KRT3: variants seen among roughly 807,000 people sequenced by gnomAD.
The protein encoded by KRT3 is keratin 3, also known as keratin, type II cytoskeletal 3.
Under a neutral mutation model 45.8 loss-of-function variants are expected in KRT3, and 34 were observed. The ratio of observed to expected loss-of-function variants is 0.74; its 90% confidence interval spans 0.57 to 0.99. The LOEUF is 0.99. Among genes scored for constraint, KRT3 ranks in the 50% least tolerant of loss-of-function variants. The pLI, the probability that KRT3 is intolerant of heterozygous loss-of-function variation, is 0.00. For missense variants in KRT3, 828 were observed against 820.6 expected, an observed-to-expected ratio of 1.01 and a Z score of -0.11; for synonymous variants, 367 against 329.0, an observed-to-expected ratio of 1.12 and a Z score of -1.25.
At chr12:52,794,061 C>G in intron 2 of KRT3, 50 bp downstream of exon 2, 1 of 1,468,176 alleles carries the variant, frequency 6.8e-7, no homozygotes, top group Non-Finnish European at 9.5e-7. Flanking sequence ...GGCCAAGACT[C>G]TGAGACAGGG....
At chr12:52,791,640 C>T in intron 6 of KRT3, 51 bp downstream of exon 6, 4 of 1,611,140 alleles carry the variant, frequency 2.5e-6, no homozygotes, top group South Asian at 2.2e-5. Context: ...GAGATCCTAG[C>T]CCCTGCCCCT....
chr12:52,795,182 C>T (rs946935283), intron 1 of KRT3, among the ~76,000 whole-genome samples: 1 of 152,162 alleles, frequency 6.6e-6, no homozygotes, highest in Non-Finnish European at 1.5e-5. Flanking sequence ...GTGTGGTGCT[C>T]AGGTCCAAAT....
intron 7 of KRT3, 38 bp from the exon 8 acceptor site, chr12:52,790,910 A>G: frequency 6.4e-7 from 1 of 1,570,520 alleles, no homozygotes; most frequent in Non-Finnish European, 8.6e-7. Context: ...CCCCGTCACA[A>G]AGCACATCAC....
Position 52,792,327 on chromosome 12 carries a change from A to T in KRT3, c.1100T>A (p.Leu367Gln), listed in dbSNP as rs765075682. The T allele has an allele frequency of 5.0e-6, 8 of 1,614,036 alleles. No individual in the cohort carries two copies. The South Asian group carries it at 8.8e-5, about 18-fold the overall frequency. ...ACGAACTTCAGCAATGATGCTGTCC[A>T]GGTCCAGGGAGCGATTATTGTCCAT... ...LSMDNNRSLD[L>Q]DSIIAEVRAQ... The change falls in exon 5 of 9, where the codon CTG becomes CAG. Residue 367 changes from leucine to glutamine, a missense_variant. By Grantham distance (113) the Leu-to-Gln change is moderately radical. Transcript: ENST00000417996.
Position 52,792,283 on chromosome 12 carries a change from C to A in KRT3, c.1144G>T (p.Ala382Ser). The A allele has an allele frequency of 7.4e-6, 12 of 1,614,086 alleles. No homozygotes were observed. The highest frequency in any genetic ancestry group is 1.0e-5 in the Non-Finnish European group (12 of 1,179,986). Reference sequence around the variant, plus strand: ...TCAGCTTCGGCCTTGCTTCTCTGAGCGATATCCTCATACTGTGCACGAACT... The same window carrying A: ...TCAGCTTCGGCCTTGCTTCTCTGAGAGATATCCTCATACTGTGCACGAACT... ...AEVRAQYEDI[A>S]QRSKAEAEAL... The change falls in exon 5 of 9, where the codon GCT becomes TCT. Residue 382 changes from alanine to serine, a missense_variant. Coordinates refer to ENST00000417996, the MANE Select transcript of KRT3 (RefSeq NM_057088.3).
chr12:52,794,595 T>A (rs1939597272), intron 1 of KRT3, among the ~76,000 whole-genome samples: 1 of 152,234 alleles, frequency 6.6e-6, no homozygotes, highest in Non-Finnish European at 1.5e-5. Context: ...TATTGCTTGT[T>A]GTTCCTGGGA....
In KRT3 at chr12:52,790,194, C is replaced by A. The variant is rs772879943; in HGVS notation, c.1735G>T (p.Gly579Cys). 23 of 1,548,908 alleles carry A rather than the reference C, an allele frequency of 1.5e-5. No homozygotes were observed. The South Asian group carries it at 2.6e-4, about 18-fold the overall frequency. The change falls in exon 9 of 9, where the codon GGC (glycine) becomes TGC (cysteine). Residue 579 changes from glycine to cysteine, a missense_variant. By Grantham distance (159) the Gly-to-Cys change is radical. Transcript: ENST00000417996. Reference protein sequence around the residue: ...GGGIGGGFGGGSSGFSGGSGF... With the variant: ...GGGIGGGFGGCSSGFSGGSGF... ...CTGCCACCGCTGAAACCGCTGCTGC[C>A]GCCGCCAAATCCACCGCCGATTCCA...
At chr12:52,795,373 G>A (rs750719500) in intron 1 of KRT3, 25 bp downstream of exon 1, 1 of 1,613,606 alleles carries the variant, frequency 6.2e-7, no homozygotes, top group Non-Finnish European at 8.5e-7. Context: ...GCCCAGGAAG[G>A]GATGACCAGT....
rs1299411672 is a variant in KRT3 at position 52,790,176 on chromosome 12, C to T, written c.1753G>A (p.Gly585Ser). ...GAGATGGAGCCAAAGCCGCTGCCAC[C>T]GCTGAAACCGCTGCTGCCGCCGCCA... The part of the protein sequence containing the change: ...GFGGGSSGFS[G>S]GSGFGSISGA... The change falls in exon 9 of 9, where the codon GGT becomes AGT. Residue 585 changes from glycine (G) to serine (S), a missense_variant. Physicochemically the swap from Gly to Ser is moderately conservative, Grantham distance 56. Coordinates refer to ENST00000417996, the MANE Select transcript of KRT3 (RefSeq NM_057088.3). 1.3e-5 allele frequency: 20 copies of T among 1,548,370 alleles called. No homozygotes were observed. The Admixed American group carries it at 3.3e-4, about 26-fold the overall frequency.
chr12:52,791,452 G>A (rs749236051), intron 6 of KRT3, 26 bp from the exon 7 acceptor site: 1 of 1,611,336 alleles, frequency 6.2e-7, no homozygotes, highest in South Asian at 1.1e-5. Context: ...TAGGAGGAAT[G>A]AGCTCAGTAA....
rs1328783622 is a variant in KRT3 at position 52,795,732 on chromosome 12, C to T, written c.311G>A (p.Gly104Asp). 3 of 1,613,162 alleles carry T rather than the reference C, an allele frequency of 1.9e-6. No homozygotes were observed. Among genetic ancestry groups the T allele is most frequent in the Non-Finnish European group, 2.5e-6 (3 of 1,179,226 alleles). ...GGGFGSGYGG[G>D]FGGGFGGGRG... Reference sequence around the variant, plus strand: ...GCCACCACCAAAGCCACCACCAAAGCCACCTCCATAGCCGCTCCCAAAGCC... The same window carrying T: ...GCCACCACCAAAGCCACCACCAAAGTCACCTCCATAGCCGCTCCCAAAGCC... Residue 104 changes from glycine to aspartate, a missense_variant, in exon 1 of 9, where the codon GGC becomes GAC. By Grantham distance (94) the Gly-to-Asp change is moderately conservative (BLOSUM62 -1). Coordinates refer to ENST00000417996, the MANE Select transcript of KRT3 (RefSeq NM_057088.3).
Position 52,794,094 on chromosome 12 carries a change from C to T in KRT3, c.866+17G>A. ...GGGTGGGCCATGGCATCTTCCCACT[C>T]CTGCCCTGTCACTCACTTCTTCTTG... On this transcript the variant is annotated intron_variant, in intron 2 of 8. Coordinates refer to ENST00000417996, the MANE Select transcript of KRT3 (RefSeq NM_057088.3). 5 of 1,604,002 alleles carry T rather than the reference C, an allele frequency of 3.1e-6. No homozygotes were observed. The highest frequency in any genetic ancestry group is 4.3e-6 in the Non-Finnish European group (5 of 1,171,188).
chr12:52,789,986 G>T lies in KRT3; in HGVS notation c.*56C>A. 6.7e-7 allele frequency: 1 copy of T among 1,499,902 alleles called. No homozygotes were observed. The allele number at this position is 1,499,902 out of a possible 1,614,324, so 92.9% of individuals were successfully genotyped here. A position where few individuals can be genotyped will look rare whatever the true frequency, so the allele number is the denominator to read the frequency against. ...GGCGCTGGGGGTGTTGCCAATATGG[G>T]GGCGTGGGGAGCGGAGGGGAGGCGC... On this transcript the variant is annotated 3_prime_UTR_variant, in exon 9 of 9. Coordinates refer to ENST00000417996, the MANE Select transcript of KRT3 (RefSeq NM_057088.3).
rs1404240140 is a variant in KRT3, at chr12:52,792,780, C to T, written c.954G>A (p.Lys318=). The change falls in exon 4 of 9, where the codon AAG becomes AAA. Residue 318 remains lysine, a synonymous_variant. Transcript: ENST00000417996. ...CATCCACTTTGGCCTGAAGCTCCAC[C>T]TTGTTCATATAGGCACTGTCCACAT... ...KKDVDSAYMN[K]VELQAKVDAL... is the part of the protein sequence containing the mutation. 1 of 1,613,422 alleles carries T rather than the reference C, an allele frequency of 6.2e-7. No homozygotes were observed. The highest frequency in any genetic ancestry group is 1.1e-5 in the South Asian group (1 of 91,078).
intron 1 of KRT3, among the ~76,000 whole-genome samples, chr12:52,794,692 A>T (rs1350169943): frequency 6.6e-6 from 1 of 151,946 alleles, no homozygotes; most frequent in African/African-American, 2.4e-5. Context: ...TCCACCCACG[A>T]CTCTACTGAC....
In KRT3 at chr12:52,791,471, C is replaced by T. The variant is rs562917662; in HGVS notation, c.1315-45G>A. 89 of 1,581,798 alleles carry T rather than the reference C, an allele frequency of 5.6e-5. 1 individual carries two copies. The East Asian group carries it at 8.5e-4, about 15-fold the overall frequency. ...AGGAATGAGCTCAGTAAGAGGGCCCCAGGCCCTTCCTGACATGCAATGGAT... is the reference window on the plus strand; with the variant it reads ...AGGAATGAGCTCAGTAAGAGGGCCCTAGGCCCTTCCTGACATGCAATGGAT... On this transcript the variant is annotated intron_variant, in intron 6 of 8. Coordinates refer to ENST00000417996, the MANE Select transcript of KRT3 (RefSeq NM_057088.3).
chr12:52,794,389 C>G, intron 1 of KRT3, 58 bp from the exon 2 acceptor site: 1 of 1,329,408 alleles, frequency 7.5e-7, no homozygotes, highest in South Asian at 1.2e-5. Flanking sequence ...AGCAGAGGGG[C>G]CTTCACTCAG....
chr12:52,792,929 T>G, intron 3 of KRT3, 123 bp from the exon 4 acceptor site: 1 of 738,740 alleles, frequency 1.4e-6, no homozygotes, highest in East Asian at 2.5e-5. Context: ...CAGTCTCCAC[T>G]TGAACGGGCA....
intron 7 of KRT3, 147 bp from the exon 8 acceptor site, chr12:52,791,019 C>T: frequency 7.9e-7 from 1 of 1,268,102 alleles, no homozygotes; most frequent in South Asian, 1.3e-5. Flanking sequence ...TGGGCTGTAG[C>T]AAGGAGAGCC....
Sources: gnomAD v4.1 joint callset for allele counts (sites outside exome capture counted in the v4.1 genomes callset) on GRCh38, gnomAD v4.1.1 for gene constraint, MANE v1.5 for transcripts, NCBI Gene and HGNC (gene_info 2026-07-23, HGNC 2026-07-21) for gene names.